The following CPNE8 variants were observed in gnomAD, a reference collection of about 807,000 sequenced individuals.
CPNE8 encodes the protein copine-8.
Under a neutral mutation model 81.5 loss-of-function variants are expected in CPNE8, and 45 were observed. The ratio of observed to expected loss-of-function variants is 0.55; its 90% confidence interval spans 0.44 to 0.71. The LOEUF (loss-of-function observed/expected upper bound fraction) is 0.71, where lower values mean the gene tolerates loss of function less well. Ranked by LOEUF, CPNE8 falls within the 30% of genes least tolerant of loss-of-function variation. The probability of loss-of-function intolerance (pLI) is 0.00; values close to 1 mark genes in which losing one functional copy is unlikely to be tolerated. For synonymous variants in CPNE8, 252 were observed against 226.3 expected (o/e 1.11, Z -1.02); for missense variants, 594 against 672.1 (o/e 0.88, Z 1.28).
intron 10 of CPNE8, among the ~76,000 whole-genome samples, chr12:38,755,948 G>A (rs1306532233): frequency 6.7e-6 from 1 of 149,560 alleles, no homozygotes; most frequent in Non-Finnish European, 1.5e-5. Context: ...GCTGAGGCAG[G>A]AGAATGACGT....
At chr12:38,865,460 C>T (rs1490962497) in intron 3 of CPNE8, among the ~76,000 whole-genome samples, 2 of 152,184 alleles carry the variant, frequency 1.3e-5, no homozygotes, top group Non-Finnish European at 2.9e-5. Context: ...CAGGCATGAA[C>T]AACCTATTGC....
At chr12:38,742,161 A>G (rs1941122302) in intron 10 of CPNE8, among the ~76,000 whole-genome samples, 1 of 152,194 alleles carries the variant, frequency 6.6e-6, no homozygotes, top group Admixed American at 6.5e-5. Flanking sequence ...TGACCCAGCA[A>G]TCCCATTACT....
intron 13 of CPNE8, among the ~76,000 whole-genome samples, chr12:38,720,278 T>C (rs1592036304): frequency 6.6e-6 from 1 of 152,204 alleles, no homozygotes; most frequent in Non-Finnish European, 1.5e-5. Flanking sequence ...GAGTTAAGAC[T>C]GTCATTGCTT....
intron 6 of CPNE8, among the ~76,000 whole-genome samples, chr12:38,826,452 T>C (rs1268453249): frequency 6.6e-6 from 1 of 152,308 alleles, no homozygotes; most frequent in South Asian, 2.1e-4. Context: ...AATATGTGTA[T>C]GTTATACCCC....
At chr12:38,771,423 G>A (rs2136878182) in intron 7 of CPNE8, among the ~76,000 whole-genome samples, 1 of 152,004 alleles carries the variant, frequency 6.6e-6, no homozygotes, top group Non-Finnish European at 1.5e-5. Context: ...CCAAAATTGT[G>A]CCACTGCACT....
intron 13 of CPNE8, among the ~76,000 whole-genome samples, chr12:38,722,025 G>T (rs527527148): frequency 6.6e-4 from 101 of 152,224 alleles, no homozygotes; most frequent in African/African-American, 2.4e-3. Context: ...TGAGAAAAGT[G>T]CAGCCTGCTA....
intron 18 of CPNE8, among the ~76,000 whole-genome samples, chr12:38,674,772 T>C (rs1327428823): frequency 6.6e-6 from 1 of 152,172 alleles, no homozygotes; most frequent in Non-Finnish European, 1.5e-5. Flanking sequence ...AGCTCTTTAT[T>C]ATTCTCATGC....
At chr12:38,783,013 T>A (rs559386194) in intron 6 of CPNE8, among the ~76,000 whole-genome samples, 1 of 152,178 alleles carries the variant, frequency 6.6e-6, no homozygotes, top group Admixed American at 6.6e-5. Context: ...GTTGAAATTA[T>A]ATCAGAAAAG....
intron 6 of CPNE8, among the ~76,000 whole-genome samples, chr12:38,789,072 T>C (rs545821440): frequency 4.0e-4 from 61 of 151,938 alleles, no homozygotes; most frequent in Non-Finnish European, 7.4e-4. Flanking sequence ...AAAATACCAA[T>C]GGATTCTTCA....
intron 6 of CPNE8, among the ~76,000 whole-genome samples, chr12:38,787,472 G>A (rs1183389143): frequency 6.8e-6 from 1 of 146,136 alleles, no homozygotes; most frequent in Middle Eastern, 3.3e-3. Context: ...GTTTATAGCT[G>A]TAAGTGCTTC....
At chr12:38,830,320 A>G (rs1488927853) in intron 5 of CPNE8, among the ~76,000 whole-genome samples, 1 of 152,232 alleles carries the variant, frequency 6.6e-6, no homozygotes, top group Non-Finnish European at 1.5e-5. Context: ...AATTTAAAAA[A>G]TAGAAACTAA....
intron 15 of CPNE8, among the ~76,000 whole-genome samples, chr12:38,686,683 G>T (rs1354327168): frequency 6.6e-6 from 1 of 152,152 alleles, no homozygotes; most frequent in Non-Finnish European, 1.5e-5. Flanking sequence ...ATGCCGACCT[G>T]GGCTGCAGTC....
chr12:38,755,401 G>A (rs546040366), intron 10 of CPNE8, among the ~76,000 whole-genome samples: 1 of 152,170 alleles, frequency 6.6e-6, no homozygotes, highest in South Asian at 2.1e-4. Flanking sequence ...TGGTATTAAT[G>A]CAGCACTGTT....
chr12:38,661,376 C>T (rs1423385937), intron 19 of CPNE8, among the ~76,000 whole-genome samples: 4 of 152,216 alleles, frequency 2.6e-5, no homozygotes, highest in African/African-American at 9.6e-5. Flanking sequence ...CCAAACACTG[C>T]ATATTCTCAC....
intron 6 of CPNE8, among the ~76,000 whole-genome samples, chr12:38,784,416 A>C (rs1210333175): frequency 6.6e-6 from 1 of 152,212 alleles, no homozygotes; most frequent in Non-Finnish European, 1.5e-5. Flanking sequence ...TGGCCTTTTA[A>C]AAAGGAGGCA....
At chr12:38,695,922 C>A (rs1939784872) in intron 14 of CPNE8, among the ~76,000 whole-genome samples, 1 of 152,100 alleles carries the variant, frequency 6.6e-6, no homozygotes. Context: ...GCCTGAGCAA[C>A]AGAGCAAGAC....
In CPNE8 at chr12:38,653,894, C is replaced by G. The variant is rs746197065; in HGVS notation, c.1683G>C (p.Gln561His). Reference protein sequence around the residue: ...PPYTPPTHVLQTQI With the variant: ...PPYTPPTHVLHTQI ...TTTCAGAGCACAGTCATATTTGAGT[C>G]TGTAACACATGTGTAGGTGGGGTGT... The change falls in exon 20 of 20, where the codon CAG (glutamine) becomes CAC (histidine). Residue 561 changes from glutamine (Q) to histidine (H), a missense_variant. By Grantham distance (24) the Gln-to-His change is conservative. Transcript: ENST00000331366. 6.2e-7 allele frequency: 1 copy of G among 1,612,684 alleles called. No individual in the cohort carries two copies. The highest frequency in any genetic ancestry group is 1.3e-5 in the African/African-American group (1 of 74,968).
intron 13 of CPNE8, among the ~76,000 whole-genome samples, chr12:38,704,796 G>A (rs1940048638): frequency 7.8e-6 from 1 of 128,900 alleles, no homozygotes; most frequent in African/African-American, 2.8e-5. Context: ...ATTATTGTAA[G>A]CTGAGGACCA....
intron 3 of CPNE8, among the ~76,000 whole-genome samples, chr12:38,861,450 C>T (rs1004624195): frequency 6.6e-6 from 1 of 151,926 alleles, no homozygotes; most frequent in Non-Finnish European, 1.5e-5. Flanking sequence ...CTTTCAAACA[C>T]AAAAACAAAT....
Sources: allele counts gnomAD v4.1 joint callset (sites outside exome capture counted in the v4.1 genomes callset), GRCh38; gene constraint gnomAD v4.1.1; transcripts MANE v1.5; gene names NCBI Gene and HGNC (gene_info 2026-07-23, HGNC 2026-07-21).